The following SPIRE1 variants were observed in gnomAD, a reference collection of about 807,000 sequenced individuals.
SPIRE1 encodes spire type actin nucleation factor 1.
SPIRE1 carries 40 observed loss-of-function variants against 94.1 expected under a neutral mutation model. The ratio of observed to expected loss-of-function variants is 0.43; its 90% CI spans 0.33 to 0.55. The LOEUF (loss-of-function observed/expected upper bound fraction) is 0.55, where lower values mean the gene tolerates loss of function less well. Ranked by LOEUF, SPIRE1 falls within the 20% of genes least tolerant of loss-of-function variation. The pLI, the probability that SPIRE1 is intolerant of heterozygous loss-of-function variation, is 0.06. For missense variants in SPIRE1, 838 were observed against 975.2 expected, an observed-to-expected ratio of 0.86 and a Z score of 1.87; for synonymous variants, 376 against 371.7, an observed-to-expected ratio of 1.01 and a Z score of -0.13.
chr18:12,463,256 A>C, intron 12 of SPIRE1, 95 bp downstream of exon 12: 2 of 1,287,674 alleles, frequency 1.6e-6, no homozygotes, highest in Non-Finnish European at 2.1e-6. Context: ...TAACTTTTGC[A>C]AGTTTTTTTC....
intron 8 of SPIRE1, among the ~76,000 whole-genome samples, chr18:12,487,330 C>T (rs2033073125): frequency 6.6e-6 from 1 of 152,048 alleles, no homozygotes; most frequent in East Asian, 1.9e-4. Context: ...TTTCAAGCAT[C>T]CACTCGGGGT....
intron 12 of SPIRE1, 129 bp downstream of exon 12, chr18:12,463,222 A>T: frequency 1.1e-6 from 1 of 946,450 alleles, no homozygotes; most frequent in Non-Finnish European, 1.5e-6. Flanking sequence ...TTTAGCTATT[A>T]AGTAAGTTAT....
At chr18:12,557,828 C>T (rs146914436) in intron 2 of SPIRE1, among the ~76,000 whole-genome samples, 1,914 of 152,004 alleles carry the variant, frequency 0.013, 42 homozygotes, top group African/African-American at 0.044. Context: ...GATACACAGA[C>T]CAATGGAACA....
At chr18:12,583,595 C>T (rs991391294) in intron 2 of SPIRE1, among the ~76,000 whole-genome samples, 1 of 147,658 alleles carries the variant, frequency 6.8e-6, no homozygotes, top group Admixed American at 6.8e-5. Context: ...AGTGAGACTC[C>T]GTCTCCAAAA....
intron 2 of SPIRE1, among the ~76,000 whole-genome samples, chr18:12,618,181 A>G (rs1287753150): frequency 2.0e-5 from 3 of 151,836 alleles, no homozygotes; most frequent in Non-Finnish European, 4.4e-5. Flanking sequence ...GGCTCCCTGC[A>G]AGCTCCACCT....
At chr18:12,543,602 T>C (rs1008569366) in intron 3 of SPIRE1, among the ~76,000 whole-genome samples, 1 of 152,170 alleles carries the variant, frequency 6.6e-6, no homozygotes, top group Non-Finnish European at 1.5e-5. Context: ...AAGGGGGATA[T>C]AAAGGCACTT....
chr18:12,618,843 G>A (rs1051561075), intron 2 of SPIRE1, among the ~76,000 whole-genome samples: 1 of 151,772 alleles, frequency 6.6e-6, no homozygotes, highest in African/African-American at 2.4e-5. Context: ...TAAATGCTTT[G>A]GGAGAATCTA....
upstream of SPIRE1, chr18:12,658,129 C>CCGCCCCGCCT (rs1555639283): frequency 1.1e-6 from 1 of 951,482 alleles, no homozygotes; most frequent in African/African-American, 1.8e-5. Flanking sequence ...CCGCCCCGCC[C>CCGCCCCGCCT]CGCCTCGCGC....
intron 10 of SPIRE1, among the ~76,000 whole-genome samples, chr18:12,475,078 A>G (rs1237100763): frequency 2.0e-5 from 3 of 152,156 alleles, no homozygotes; most frequent in Non-Finnish European, 4.4e-5. Flanking sequence ...TGCAGTAAGG[A>G]GCAGAGGTTT....
chr18:12,470,492 C>G (rs2032311609), intron 10 of SPIRE1, among the ~76,000 whole-genome samples: 1 of 152,270 alleles, frequency 6.6e-6, no homozygotes, highest in African/African-American at 2.4e-5. Flanking sequence ...TGAATCTTCT[C>G]CAGGATTAGT....
intron 2 of SPIRE1, among the ~76,000 whole-genome samples, chr18:12,620,224 T>C (rs2037429288): frequency 6.6e-6 from 1 of 152,208 alleles, no homozygotes; most frequent in South Asian, 2.1e-4. Context: ...GTTCATGGTC[T>C]AAGGCTTAGC....
At chr18:12,490,483 A>G (rs1333412266) in intron 8 of SPIRE1, among the ~76,000 whole-genome samples, 1 of 152,150 alleles carries the variant, frequency 6.6e-6, no homozygotes, top group Non-Finnish European at 1.5e-5. Flanking sequence ...TTACGAGGCC[A>G]AAACCCCCAA....
intron 2 of SPIRE1, among the ~76,000 whole-genome samples, chr18:12,603,266 TA>T (rs1209052951): frequency 6.6e-6 from 1 of 152,190 alleles, no homozygotes; most frequent in Non-Finnish European, 1.5e-5. Context: ...TACACCATCA[TA>T]AAGTCGAAAA....
At chr18:12,571,657 T>C (rs1257656390) in intron 2 of SPIRE1, among the ~76,000 whole-genome samples, 8 of 152,232 alleles carry the variant, frequency 5.3e-5, no homozygotes, top group African/African-American at 1.9e-4. Flanking sequence ...AAATACTTTG[T>C]CACAATCTCT....
chr18:12,548,683 C>T (rs950457381), intron 2 of SPIRE1, among the ~76,000 whole-genome samples: 5 of 151,418 alleles, frequency 3.3e-5, no homozygotes, highest in Admixed American at 3.3e-4. Flanking sequence ...ACAATTACGG[C>T]TCACTGCAGC....
At chr18:12,548,790 A>C (rs1425728720) in intron 2 of SPIRE1, among the ~76,000 whole-genome samples, 1 of 151,518 alleles carries the variant, frequency 6.6e-6, no homozygotes, top group Non-Finnish European at 1.5e-5. Flanking sequence ...TTTTTTTTGG[A>C]ATTTTTTAGA....
chr18:12,478,436 ATG>A lies in SPIRE1; in HGVS notation c.1404+1261_1404+1262del, dbSNP rs1172069241. ...GTGTGTGTGTGAAGCGAGGGTGTGTATGTGTGTGTGTAGCTAGGGTGTGTGTG... is the reference window on the plus strand; with the variant it reads ...GTGTGTGTGTGAAGCGAGGGTGTGTATGTGTGTGTAGCTAGGGTGTGTGTG... On this transcript the variant is annotated intron_variant, in intron 10 of 16. Transcript: ENST00000409402. Among the ~76,000 whole-genome samples, 16 of 76,560 alleles carry A rather than the reference ATG, an allele frequency of 2.1e-4. No homozygotes were observed. The East Asian group carries it at 2.1e-3, about 10-fold the overall frequency. The allele number at this position is 76,560 out of a possible 152,430, so 50.2% of individuals were successfully genotyped here.
chr18:12,646,796 G>A (rs995293036), intron 1 of SPIRE1, among the ~76,000 whole-genome samples: 1 of 152,134 alleles, frequency 6.6e-6, no homozygotes, highest in South Asian at 2.1e-4. Context: ...TGTAATCCCA[G>A]CACTTTGGGA....
At chr18:12,660,446 C>G (rs565989655), upstream of SPIRE1, among the ~76,000 whole-genome samples, 1 of 151,824 alleles carries the variant, frequency 6.6e-6, no homozygotes, top group Non-Finnish European at 1.5e-5. Flanking sequence ...CTCGGCCTCC[C>G]GAGTAGCTGG....
Sources: allele counts gnomAD v4.1 joint callset (sites outside exome capture counted in the v4.1 genomes callset), GRCh38; gene constraint gnomAD v4.1.1; transcripts MANE v1.5; gene names NCBI Gene and HGNC (gene_info 2026-07-23, HGNC 2026-07-21).